Variants in PPWD1 observed in about 807,000 individuals in gnomAD.
The protein encoded by PPWD1 is peptidylprolyl isomerase domain and WD repeat containing 1.
In PPWD1, 43 loss-of-function variants were observed where a neutral mutation model predicts 68.8. The ratio of observed to expected loss-of-function variants is 0.62; its 90% CI spans 0.49 to 0.81. The LOEUF is 0.81. Ranked by LOEUF, PPWD1 falls within the 30% of genes least tolerant of loss-of-function variation. The probability of loss-of-function intolerance (pLI) is 0.00; values close to 1 mark genes in which losing one functional copy is unlikely to be tolerated. For missense variants in PPWD1, 672 were observed against 804.8 expected, an observed-to-expected ratio of 0.83 and a Z score of 2.00; for synonymous variants, 232 against 258.7, an observed-to-expected ratio of 0.90 and a Z score of 0.99.
chr5:65,583,430 C>A (rs989003879), intron 8 of PPWD1: 2 of 388,092 alleles, frequency 5.2e-6, no homozygotes, highest in Non-Finnish European at 8.8e-6. Context: ...AGGTTCATTA[C>A]GAGGACAAAA....
intron 6 of PPWD1, among the ~76,000 whole-genome samples, chr5:65,579,129 C>T (rs1017726141): frequency 6.6e-6 from 1 of 152,038 alleles, no homozygotes; most frequent in Non-Finnish European, 1.5e-5. Context: ...GTTGGCCAGG[C>T]TGGTCTCGAA....
chr5:65,572,358 A>G (rs1753057289), intron 5 of PPWD1, 72 bp downstream of exon 5: 6 of 1,380,914 alleles, frequency 4.3e-6, no homozygotes, highest in Non-Finnish European at 4.9e-6. Context: ...TTCTTGAAAG[A>G]TCTTTTTTCT....
At position 65,585,084 on chromosome 5, in the gene PPWD1, C is replaced by T. The variant is rs372339150; in HGVS notation, c.1603C>T (p.Arg535Cys). The change falls in exon 9 of 11, where the codon CGT becomes TGT. Residue 535 changes from arginine (R) to cysteine (C), a missense_variant. Physicochemically the swap from Arg to Cys is radical, Grantham distance 180 (BLOSUM62 -3). Around this residue, in one of 2 missense-constraint regions of PPWD1, gnomAD observed 484 missense variants for 646.2 expected, o/e 0.75. Transcript: ENST00000261308. ...TTATTATAATGGGCATACATTTCAC[C>T]GTATAATTAAGGTAAGTTACATAAA... Reference protein sequence around the residue: ...NGYYNGHTFHRIIKGFMIQTG... With the variant: ...NGYYNGHTFHCIIKGFMIQTG... The T allele has an allele frequency of 1.2e-5, 20 of 1,609,972 alleles. No homozygotes were observed. Among genetic ancestry groups the T allele is most frequent in the Admixed American group, 1.7e-5 (1 of 59,772 alleles).
At position 65,566,348 on chromosome 5, in the gene PPWD1, C is replaced by G. The variant is rs193129807; in HGVS notation, c.197-1165C>G. Among the ~76,000 whole-genome samples, 10 of 152,310 alleles carry G rather than the reference C, an allele frequency of 6.6e-5. No homozygotes were observed. The East Asian group carries it at 1.9e-3, about 29-fold the overall frequency. On this transcript the variant is annotated intron_variant, in intron 1 of 10. Transcript: ENST00000261308. ...AGGTACAGCCCTCATCTTCATTTCT[C>G]TGAATGATTATTAAGATTACAGCAG... is the stretch of plus-strand genomic sequence containing the variant.
intron 5 of PPWD1, among the ~76,000 whole-genome samples, chr5:65,573,654 G>A (rs1408326542): frequency 6.7e-6 from 1 of 149,340 alleles, no homozygotes; most frequent in Non-Finnish European, 1.5e-5. Flanking sequence ...GATTACAGGT[G>A]TGAGGCACGG....
chr5:65,572,941 G>A (rs116164471), intron 5 of PPWD1, among the ~76,000 whole-genome samples: 173 of 152,104 alleles, frequency 1.1e-3, no homozygotes, highest in Admixed American at 3.7e-3. Context: ...CTGCACCCAG[G>A]GCCATCTTTT....
chr5:65,585,943 A>C (rs1753822592), intron 9 of PPWD1, 56 bp from the exon 10 acceptor site: 1 of 1,568,420 alleles, frequency 6.4e-7, no homozygotes, highest in Non-Finnish European at 8.6e-7. Flanking sequence ...ATAAAACTTC[A>C]AAGCGTACAT....
At chr5:65,584,878 GAA>G in intron 8 of PPWD1, 134 bp from the exon 9 acceptor site, 1 of 1,162,794 alleles carries the variant, frequency 8.6e-7, no homozygotes, top group Non-Finnish European at 1.1e-6. Context: ...TAGAGATTAT[GAA>G]AAAAAAAAAC....
intron 7 of PPWD1, 175 bp from the exon 8 acceptor site, chr5:65,582,863 G>A (rs990739133): frequency 1.5e-5 from 12 of 795,102 alleles, no homozygotes; most frequent in Admixed American, 7.4e-5. Flanking sequence ...ATTAGACAAT[G>A]TAAAAATAAT....
intron 5 of PPWD1, among the ~76,000 whole-genome samples, chr5:65,573,835 C>G (rs1753148641): frequency 6.6e-6 from 1 of 152,046 alleles, no homozygotes; most frequent in South Asian, 2.1e-4. Flanking sequence ...GTACCTCACA[C>G]AAGAGTTACT....
chr5:65,582,787 C>A (rs1753652855), intron 7 of PPWD1: 1 of 310,958 alleles, frequency 3.2e-6, no homozygotes, highest in African/African-American at 2.2e-5. Context: ...AAGAAAATTT[C>A]TAACCAAAGA....
chr5:65,581,781 C>T (rs1753611137), intron 7 of PPWD1, among the ~76,000 whole-genome samples: 1 of 152,100 alleles, frequency 6.6e-6, no homozygotes, highest in Non-Finnish European at 1.5e-5. Context: ...TAGCTTTATA[C>T]AGCTAACATT....
intron 1 of PPWD1, 82 bp downstream of exon 1, chr5:65,563,588 T>G: frequency 1.3e-6 from 2 of 1,486,598 alleles, no homozygotes; most frequent in Middle Eastern, 1.8e-4. Context: ...CGAAGAGGGA[T>G]GATGTGTGGA....
At position 65,563,516 on chromosome 5, in the gene PPWD1, G is replaced by T; in HGVS notation, c.196+10G>T. 6.2e-7 allele frequency: 1 copy of T among 1,606,432 alleles called. No homozygotes were observed. The highest frequency in any genetic ancestry group is 1.1e-5 in the South Asian group (1 of 90,000). On this transcript the variant is annotated intron_variant, in intron 1 of 10. Transcript: ENST00000261308. ...GCCAAGAAGAGGAAAGGTAGCTGCAGACATAGTACCGGGACGAATTGGAGT... is the reference window on the plus strand; with the variant it reads ...GCCAAGAAGAGGAAAGGTAGCTGCATACATAGTACCGGGACGAATTGGAGT...
chr5:65,585,792 C>T (rs1000529473), intron 9 of PPWD1: 11 of 451,318 alleles, frequency 2.4e-5, no homozygotes, highest in East Asian at 3.1e-4. Flanking sequence ...AATGAGAAGA[C>T]GACCTTTGCA....
Position 65,586,176 on chromosome 5 carries a change from C to T in PPWD1, c.1792C>T (p.Pro598Ser). The change falls in exon 10 of 11, where the codon CCA (proline) becomes TCA (serine). Residue 598 changes from proline to serine, a missense_variant. Coordinates refer to ENST00000261308, the MANE Select transcript of PPWD1 (RefSeq NM_015342.4). Reference protein sequence around the residue: ...NGSQFFITVVPTPWLDNKHTV... With the variant: ...NGSQFFITVVSTPWLDNKHTV... ...ATCCCAGTTTTTCATAACGGTAGTA[C>T]CAACGGTAAGTACAGTATCATTGTT... 1 of 1,611,540 alleles carries T rather than the reference C, an allele frequency of 6.2e-7. No individual in the cohort carries two copies. The highest frequency in any genetic ancestry group is 8.5e-7 in the Non-Finnish European group (1 of 1,178,510).
At chr5:65,584,652 G>A (rs980540939) in intron 8 of PPWD1, among the ~76,000 whole-genome samples, 1 of 152,070 alleles carries the variant, frequency 6.6e-6, no homozygotes, top group Non-Finnish European at 1.5e-5. Flanking sequence ...AGTCCAGAAA[G>A]TCAAGATCAG....
intron 2 of PPWD1, 34 bp downstream of exon 2, chr5:65,567,649 A>G: frequency 1.4e-6 from 2 of 1,475,666 alleles, no homozygotes; most frequent in South Asian, 1.4e-5. Flanking sequence ...CTTTGTTCTG[A>G]GTTTATTTAA....
chr5:65,572,313 C>T (rs1480878967), intron 5 of PPWD1, 27 bp downstream of exon 5: 3 of 1,537,230 alleles, frequency 2.0e-6, no homozygotes, highest in Middle Eastern at 2.0e-4. Flanking sequence ...TTTAACCGTA[C>T]TTTACTTTTC....
Sources: gnomAD v4.1 joint callset for allele counts (sites outside exome capture counted in the v4.1 genomes callset) on GRCh38, gnomAD v4.1.1 for gene constraint, gnomAD v4.1.1 regional missense constraint, MANE v1.5 for transcripts, NCBI Gene and HGNC (gene_info 2026-07-23, HGNC 2026-07-21) for gene names.